DDX60: variants seen among roughly 807,000 people sequenced by gnomAD.
The protein encoded by DDX60 is probable ATP-dependent RNA helicase DDX60.
DDX60 carries 165 observed loss-of-function variants against 212.8 expected under a neutral mutation model. The ratio of observed to expected loss-of-function variants is 0.78; its 90% CI spans 0.68 to 0.88. DDX60 has a LOEUF of 0.88. DDX60 is among the 40% of genes least tolerant of loss of function. DDX60 has a pLI of 0.00. For missense variants in DDX60, 1,905 were observed against 2,003.9 expected (o/e 0.95, Z 0.94); for synonymous variants, 703 against 685.3 (o/e 1.03, Z -0.40).
chr4:168,230,243 A>G (rs1350094072), intron 33 of DDX60, among the ~76,000 whole-genome samples: 1 of 152,148 alleles, frequency 6.6e-6, no homozygotes, highest in Non-Finnish European at 1.5e-5. Context: ...TACCTAAGAA[A>G]TGAGAAAGAT....
intron 37 of DDX60, among the ~76,000 whole-genome samples, chr4:168,218,252 T>C (rs895827726): frequency 6.6e-6 from 1 of 152,192 alleles, no homozygotes; most frequent in Non-Finnish European, 1.5e-5. Flanking sequence ...TTCCTCCTGA[T>C]TGATATCTCC....
intron 26 of DDX60, among the ~76,000 whole-genome samples, chr4:168,253,507 G>A (rs72975336): frequency 0.068 from 10,278 of 152,078 alleles, 1,089 homozygotes; most frequent in African/African-American, 0.23. Context: ...GGGTGGTTAC[G>A]ACCTCTCCTG....
intron 5 of DDX60, among the ~76,000 whole-genome samples, chr4:168,305,224 G>A (rs919047876): frequency 1.3e-5 from 2 of 152,114 alleles, no homozygotes; most frequent in South Asian, 2.1e-4. Flanking sequence ...GTACACTAAC[G>A]ATGTTTACAC....
intron 13 of DDX60, 112 bp downstream of exon 13, chr4:168,283,334 A>G: frequency 1.1e-6 from 1 of 884,630 alleles, no homozygotes; most frequent in Non-Finnish European, 1.7e-6. Flanking sequence ...ATATGCATAT[A>G]AATATCAAGA....
At chr4:168,313,038 T>G (rs1737209689) in intron 1 of DDX60, among the ~76,000 whole-genome samples, 1 of 152,134 alleles carries the variant, frequency 6.6e-6, no homozygotes, top group South Asian at 2.1e-4. Flanking sequence ...CAAATATGCA[T>G]GAAGCATGAT....
chr4:168,315,590 C>T (rs146432692), intron 1 of DDX60, among the ~76,000 whole-genome samples: 2,421 of 152,226 alleles, frequency 0.016, 20 homozygotes, highest in Middle Eastern at 0.044. Flanking sequence ...CCCAACCCTC[C>T]GACAAGCCCC....
intron 30 of DDX60, among the ~76,000 whole-genome samples, chr4:168,244,252 A>G (rs1182070559): frequency 6.6e-6 from 1 of 151,670 alleles, no homozygotes; most frequent in East Asian, 1.9e-4. Flanking sequence ...AGAACTTAAA[A>G]TAAAATAATA....
chr4:168,293,080 C>T (rs1736178957), intron 7 of DDX60, among the ~76,000 whole-genome samples: 2 of 152,242 alleles, frequency 1.3e-5, no homozygotes, highest in South Asian at 4.1e-4. Flanking sequence ...AGTATGTATA[C>T]ACATGCGTCT....
chr4:168,241,913 A>G (rs944863214), intron 30 of DDX60, among the ~76,000 whole-genome samples: 11 of 151,856 alleles, frequency 7.2e-5, no homozygotes, highest in Non-Finnish European at 1.6e-4. Context: ...GAGATTTAGG[A>G]AAAAAAACTG....
At chr4:168,279,532 A>C (rs1735496594) in intron 14 of DDX60, among the ~76,000 whole-genome samples, 1 of 152,188 alleles carries the variant, frequency 6.6e-6, no homozygotes, top group Non-Finnish European at 1.5e-5. Flanking sequence ...AATAACACTC[A>C]CCAAAGATGC....
chr4:168,221,611 G>T, intron 36 of DDX60, 119 bp downstream of exon 36: 3 of 1,070,986 alleles, frequency 2.8e-6, no homozygotes, highest in Non-Finnish European at 3.9e-6. Flanking sequence ...AGTATGTTTA[G>T]TATGATTTAA....
intron 11 of DDX60, 40 bp from the exon 12 acceptor site, chr4:168,284,975 C>T: frequency 4.2e-6 from 4 of 957,394 alleles, no homozygotes; most frequent in Non-Finnish European, 4.9e-6. Context: ...TTGCACACTT[C>T]CAAATATAAC....
At chr4:168,313,418 A>T (rs1203280519) in intron 1 of DDX60, among the ~76,000 whole-genome samples, 2 of 152,164 alleles carry the variant, frequency 1.3e-5, no homozygotes, top group Non-Finnish European at 2.9e-5. Context: ...GGTAGGTTAG[A>T]ACCAGACTAT....
intron 35 of DDX60, 64 bp downstream of exon 35, chr4:168,224,179 C>G: frequency 2.5e-6 from 4 of 1,573,878 alleles, no homozygotes; most frequent in Non-Finnish European, 3.5e-6. Context: ...TTCTAAGCTG[C>G]CTAGCAATAT....
At chr4:168,217,068 G>C in intron 37 of DDX60, 36 bp from the exon 38 acceptor site, 1 of 1,368,628 alleles carries the variant, frequency 7.3e-7, no homozygotes. Context: ...ATCCACTTTA[G>C]TGAGATTGAA....
rs1028513549 is a variant in DDX60, at chr4:168,302,290, G to A, written c.723+10C>T. 7.1e-7 allele frequency: 1 copy of A among 1,401,836 alleles called. No homozygotes were observed. The highest frequency in any genetic ancestry group is 9.7e-7 in the Non-Finnish European group (1 of 1,027,636). 86.8% of individuals were successfully genotyped at this position (1,401,836 alleles called of 1,614,324 possible). A position where few individuals can be genotyped will look rare whatever the true frequency, so the allele number is the denominator to read the frequency against. ...GTTCAAATACAAAGCTTTTTAAAAT[G>A]TTTTGTTACCTCTTCCGTAATATTA... On this transcript the variant is annotated intron_variant, in intron 6 of 37. Coordinates refer to ENST00000393743, the MANE Select transcript of DDX60 (RefSeq NM_017631.6).
chr4:168,230,253 T>C (rs1486478148), intron 33 of DDX60, among the ~76,000 whole-genome samples: 2 of 151,798 alleles, frequency 1.3e-5, no homozygotes, highest in African/African-American at 4.8e-5. Context: ...ATGAGAAAGA[T>C]AGCAACACAA....
chr4:168,285,239 A>C (rs1173999765), intron 11 of DDX60, among the ~76,000 whole-genome samples, 154 bp downstream of exon 11: 1 of 152,200 alleles, frequency 6.6e-6, no homozygotes, highest in African/African-American at 2.4e-5. Flanking sequence ...TAATGGCCAA[A>C]AGGCATTGAA....
rs377696079 is a variant in DDX60, at chr4:168,285,390, T to C, written c.1445+3A>G. 60 of 1,593,118 alleles carry C rather than the reference T, an allele frequency of 3.8e-5. No individual in the cohort carries two copies. The highest frequency in any genetic ancestry group is 4.7e-5 in the Non-Finnish European group (55 of 1,164,296). Reference sequence around the variant, plus strand: ...TATTGAGGCACAGTTTTTGGCCTTATACCTCTTTAGAAAAGGCAAATCTTT... The same window carrying C: ...TATTGAGGCACAGTTTTTGGCCTTACACCTCTTTAGAAAAGGCAAATCTTT... On this transcript the variant is annotated splice_donor_region_variant and intron_variant, in intron 11 of 37. Transcript: ENST00000393743.
Sources: gnomAD v4.1 joint callset for allele counts (sites outside exome capture counted in the v4.1 genomes callset) on GRCh38, gnomAD v4.1.1 for gene constraint, MANE v1.5 for transcripts, NCBI Gene and HGNC (gene_info 2026-07-23, HGNC 2026-07-21) for gene names.